RPS6KC1: variants seen among roughly 807,000 people sequenced by gnomAD.
RPS6KC1 encodes the protein ribosomal protein S6 kinase C1, also known as inactive ribosomal protein S6 kinase delta-1.
RPS6KC1 carries 54 observed loss-of-function variants against 103.8 expected under a neutral mutation model. That is an observed-to-expected ratio of 0.52 (90% CI 0.42 to 0.65). The LOEUF (loss-of-function observed/expected upper bound fraction) is 0.65. Among genes scored for constraint, RPS6KC1 ranks in the 30% least tolerant of loss-of-function variants. The probability of loss-of-function intolerance (pLI) is 0.00; values close to 1 mark genes in which losing one functional copy is unlikely to be tolerated. For synonymous variants in RPS6KC1, 439 were observed against 438.7 expected (o/e 1.00, Z -0.01); for missense variants, 1,151 against 1,253.8 (o/e 0.92, Z 1.24).
At chr1:213,660,817 T>G in the RPS6KC1 span, among the ~76,000 whole-genome samples, 1 of 152,220 alleles carries the variant, frequency 6.6e-6, no homozygotes, top group Non-Finnish European at 1.5e-5. Flanking sequence ...AGTAGGGCGA[T>G]GAAATAATGC....
intron 5 of RPS6KC1, among the ~76,000 whole-genome samples, chr1:213,128,071 A>ATTGTTCAT (rs1409883564): frequency 6.6e-6 from 1 of 152,204 alleles, no homozygotes; most frequent in Admixed American, 6.5e-5. Flanking sequence ...CAATATTCAT[A>ATTGTTCAT]ATTATTTGAA....
chr1:213,132,316 T>G (rs1277284391), intron 6 of RPS6KC1, among the ~76,000 whole-genome samples: 2 of 152,272 alleles, frequency 1.3e-5, no homozygotes, highest in Non-Finnish European at 2.9e-5. Flanking sequence ...AATAACTGAC[T>G]AAATTGATTT....
At chr1:213,409,077 G>A in the RPS6KC1 span, among the ~76,000 whole-genome samples, 1 of 152,088 alleles carries the variant, frequency 6.6e-6, no homozygotes, top group Non-Finnish European at 1.5e-5. Flanking sequence ...GCGGAGGAGT[G>A]ATGATGTAAA....
At chr1:213,485,939 A>G in the RPS6KC1 span, among the ~76,000 whole-genome samples, 2 of 152,174 alleles carry the variant, frequency 1.3e-5, no homozygotes, top group Admixed American at 1.3e-4. Context: ...GGCACTCTGG[A>G]TACTCTTGCT....
chr1:213,176,221 C>A (rs1406062149), intron 7 of RPS6KC1, among the ~76,000 whole-genome samples, 179 bp from the exon 8 acceptor site: 2 of 151,720 alleles, frequency 1.3e-5, no homozygotes, highest in Admixed American at 1.3e-4. Context: ...TTTTGATTTT[C>A]TTTAGTTTTT....
At chr1:213,348,255 G>T in the RPS6KC1 span, among the ~76,000 whole-genome samples, 1 of 152,182 alleles carries the variant, frequency 6.6e-6, no homozygotes, top group African/African-American at 2.4e-5. Flanking sequence ...GTGGGATCAA[G>T]CTACAGCCTA....
the RPS6KC1 span, among the ~76,000 whole-genome samples, chr1:213,579,288 T>G: frequency 2.0e-5 from 3 of 152,088 alleles, no homozygotes; most frequent in Non-Finnish European, 2.9e-5. Flanking sequence ...GGTATTTCTT[T>G]ATAGCAGTAT....
the RPS6KC1 span, among the ~76,000 whole-genome samples, chr1:213,489,882 G>C: frequency 6.6e-6 from 1 of 152,208 alleles, no homozygotes; most frequent in Non-Finnish European, 1.5e-5. Flanking sequence ...TGGACATAAA[G>C]GTGGAGAAGG....
At chr1:213,101,571 A>G (rs1334736165) in intron 3 of RPS6KC1, among the ~76,000 whole-genome samples, 1 of 151,968 alleles carries the variant, frequency 6.6e-6, no homozygotes, top group Non-Finnish European at 1.5e-5. Flanking sequence ...TTTTTTTTGT[A>G]TTTGTTTCAG....
chr1:213,832,593 G>T, the RPS6KC1 span: 2 of 152,078 alleles, frequency 1.3e-5, no homozygotes, highest in East Asian at 3.9e-4. Flanking sequence ...TATGTTCTAG[G>T]TTGCCATCAG....
the RPS6KC1 span, among the ~76,000 whole-genome samples, chr1:213,548,437 C>T: frequency 2.0e-5 from 3 of 152,076 alleles, no homozygotes; most frequent in Non-Finnish European, 2.9e-5. Context: ...CGAAGGCAGG[C>T]GGATCACGAG....
At chr1:213,811,592 A>G in the RPS6KC1 span, among the ~76,000 whole-genome samples, 1 of 152,354 alleles carries the variant, frequency 6.6e-6, no homozygotes, top group Admixed American at 6.5e-5. Flanking sequence ...GTCATCTTCC[A>G]GGAGGACTCA....
the RPS6KC1 span, among the ~76,000 whole-genome samples, chr1:213,439,328 A>G: frequency 1.4e-5 from 1 of 71,412 alleles, no homozygotes; most frequent in Non-Finnish European, 2.8e-5. Context: ...CCCATGTTTT[A>G]TAATTCTTCT....
At chr1:213,255,037 G>A (rs1036980264) in intron 12 of RPS6KC1, among the ~76,000 whole-genome samples, 6 of 151,864 alleles carry the variant, frequency 4.0e-5, no homozygotes, top group Admixed American at 3.9e-4. Context: ...GTGGTGGCTC[G>A]TGCCTGTAAT....
At chr1:213,759,369 T>C in the RPS6KC1 span, among the ~76,000 whole-genome samples, 4 of 152,242 alleles carry the variant, frequency 2.6e-5, no homozygotes, top group Non-Finnish European at 5.9e-5. Context: ...TGTGACTTGC[T>C]TTATTGTGAT....
the RPS6KC1 span, among the ~76,000 whole-genome samples, chr1:213,370,953 T>G: frequency 3.3e-5 from 5 of 152,202 alleles, no homozygotes; most frequent in Non-Finnish European, 5.9e-5. Context: ...TGGTTATTTT[T>G]AATTGTAGTA....
rs757830537 is a variant in RPS6KC1 at position 213,241,629 on chromosome 1, T to C, written c.2153T>C (p.Ile718Thr). 6.2e-7 allele frequency: 1 copy of C among 1,613,840 alleles called. No homozygotes were observed. Among genetic ancestry groups the C allele is most frequent in the South Asian group, 1.1e-5 (1 of 91,076 alleles). The stretch of plus-strand genomic sequence containing the variant: ...CCTACTAAGTTTACACAAACTAATA[T>C]AGGGATAATAGAAAATAAACTCTTG... The part of the protein sequence containing the change: ...MGPTKFTQTN[I>T]GIIENKLLEA... Residue 718 changes from isoleucine (I) to threonine (T), a missense_variant, in exon 11 of 15, where the codon ATA (isoleucine) becomes ACA (threonine). Physicochemically the swap from Ile to Thr is moderately conservative, Grantham distance 89. Transcript: ENST00000366960.
At chr1:213,604,312 C>T in the RPS6KC1 span, among the ~76,000 whole-genome samples, 1 of 152,258 alleles carries the variant, frequency 6.6e-6, no homozygotes, top group African/African-American at 2.4e-5. Context: ...CCCATACTAT[C>T]ACATGGGCTT....
chr1:213,585,664 A>G, the RPS6KC1 span, among the ~76,000 whole-genome samples: 1 of 152,100 alleles, frequency 6.6e-6, no homozygotes, highest in South Asian at 2.1e-4. Context: ...TCCCACCTCT[A>G]TGCTGCCACC....
Sources: gnomAD v4.1 joint callset for allele counts (sites outside exome capture counted in the v4.1 genomes callset) on GRCh38, gnomAD v4.1.1 for gene constraint, MANE v1.5 for transcripts, NCBI Gene and HGNC (gene_info 2026-07-23, HGNC 2026-07-21) for gene names.